TRPM3: variants seen among roughly 807,000 people sequenced by gnomAD.
The protein encoded by TRPM3 is long transient receptor potential channel 3.
A neutral mutation model predicts 181.2 loss-of-function variants in TRPM3; 77 were observed. The ratio of observed to expected loss-of-function variants is 0.42; its 90% CI spans 0.35 to 0.51. The LOEUF is 0.51. Ranked by LOEUF, TRPM3 falls within the 20% of genes least tolerant of loss-of-function variation. TRPM3 has a pLI of 0.01. For missense variants in TRPM3, 1,759 were observed against 2,196.7 expected, an observed-to-expected ratio of 0.80 and a Z score of 3.98; for synonymous variants, 745 against 796.4, an observed-to-expected ratio of 0.94 and a Z score of 1.09.
chr9:71,231,215 G>A (rs1189900104), intron 1 of TRPM3, among the ~76,000 whole-genome samples: 1 of 152,062 alleles, frequency 6.6e-6, no homozygotes, highest in Non-Finnish European at 1.5e-5. Context: ...TCTTGAGGTG[G>A]GGAGATTATG....
At chr9:71,233,426 T>G (rs2081187124) in intron 1 of TRPM3, among the ~76,000 whole-genome samples, 1 of 152,238 alleles carries the variant, frequency 6.6e-6, no homozygotes, top group Non-Finnish European at 1.5e-5. Flanking sequence ...ACAGTTATCT[T>G]TAATTGCTCA....
At chr9:70,602,183 GA>G (rs1222431194) in intron 20 of TRPM3, among the ~76,000 whole-genome samples, 3 of 150,912 alleles carry the variant, frequency 2.0e-5, no homozygotes, top group Non-Finnish European at 4.4e-5. Flanking sequence ...TCAGGATGGG[GA>G]GATGGTAGTC....
At chr9:71,194,524 T>C (rs1226177858) in intron 1 of TRPM3, among the ~76,000 whole-genome samples, 1 of 151,788 alleles carries the variant, frequency 6.6e-6, no homozygotes, top group Non-Finnish European at 1.5e-5. Context: ...AGCTTGGGCA[T>C]CGTAAAAAGA....
chr9:71,282,724 C>T (rs991316789), intron 1 of TRPM3, among the ~76,000 whole-genome samples: 18 of 152,212 alleles, frequency 1.2e-4, no homozygotes, highest in African/African-American at 4.1e-4. Flanking sequence ...AGGAATATTA[C>T]TGCCCTGCCC....
chr9:71,202,196 T>A (rs1187942389), intron 1 of TRPM3, among the ~76,000 whole-genome samples: 2 of 152,174 alleles, frequency 1.3e-5, no homozygotes, highest in East Asian at 3.9e-4. Flanking sequence ...GGAAGTTTTG[T>A]CTCAGAGGAG....
At position 71,357,849 on chromosome 9, in the gene TRPM3, G is replaced by C. The variant is rs571277880; in HGVS notation, c.183+88804C>G. 2.1e-4 allele frequency among the ~76,000 whole-genome samples: 32 copies of C among 151,986 alleles called. 1 individual carries two copies. Among genetic ancestry groups the C allele is most frequent in the African/African-American group, 7.5e-4 (31 of 41,442 alleles). On this transcript the variant is annotated intron_variant, in intron 1 of 24. Coordinates refer to the TRPM3 transcript ENST00000357533. ...GTTCCAAAGCTTTTCCTATGAATCT[G>C]TTATGAAGGAAAGTGATTCCAAAAG...
At chr9:70,840,559 A>G (rs2094571596) in intron 5 of TRPM3, among the ~76,000 whole-genome samples, 1 of 152,092 alleles carries the variant, frequency 6.6e-6, no homozygotes, top group African/African-American at 2.4e-5. Flanking sequence ...AGTAAGTCCC[A>G]TTGGAATGCA....
At chr9:71,215,088 A>C (rs1402189337) in intron 1 of TRPM3, among the ~76,000 whole-genome samples, 1 of 151,904 alleles carries the variant, frequency 6.6e-6, no homozygotes, top group Non-Finnish European at 1.5e-5. Flanking sequence ...GTAAGGTCCA[A>C]GAGGGCAGGG....
intron 1 of TRPM3, among the ~76,000 whole-genome samples, chr9:71,182,960 C>T (rs569243082): frequency 1.8e-3 from 273 of 152,024 alleles, no homozygotes; most frequent in African/African-American, 5.1e-3. Flanking sequence ...CCATGCCCAG[C>T]GTATTGAAAA....
intron 6 of TRPM3, among the ~76,000 whole-genome samples, chr9:70,807,139 CT>C (rs2090866571): frequency 6.6e-6 from 1 of 152,118 alleles, no homozygotes; most frequent in African/African-American, 2.4e-5. Flanking sequence ...TGCACTTCTA[CT>C]AAATGGAATG....
chr9:71,196,457 A>T (rs1475120238), intron 1 of TRPM3, among the ~76,000 whole-genome samples: 1 of 151,880 alleles, frequency 6.6e-6, no homozygotes, highest in Non-Finnish European at 1.5e-5. Context: ...GTCCATGTGC[A>T]TATTCAATAT....
chr9:71,257,481 G>T lies in TRPM3; in HGVS notation c.183+189172C>A, dbSNP rs866431313. Among the ~76,000 whole-genome samples the T allele has an allele frequency of 8.5e-5, 13 of 152,262 alleles. No homozygotes were observed. The Middle Eastern group carries it at 0.017, about 199-fold the overall frequency. On this transcript the variant is annotated intron_variant, in intron 1 of 24. Transcript: ENST00000357533. ...GGTACTATAAGAATCTTCATGCCAT[G>T]TACCCAATGACTGGTCAGTAAAAAC...
At chr9:70,953,357 G>A (rs1590039076) in intron 1 of TRPM3, among the ~76,000 whole-genome samples, 1 of 152,122 alleles carries the variant, frequency 6.6e-6, no homozygotes. Flanking sequence ...TCAGCCTTAG[G>A]GGAAGATTAC....
chr9:71,260,464 A>G (rs1051354911), intron 1 of TRPM3, among the ~76,000 whole-genome samples: 3 of 152,188 alleles, frequency 2.0e-5, no homozygotes, highest in Non-Finnish European at 4.4e-5. Flanking sequence ...TCTATCAATT[A>G]CTTTGGGCAC....
intron 5 of TRPM3, among the ~76,000 whole-genome samples, chr9:70,836,014 GC>G (rs2094296149): frequency 6.6e-6 from 1 of 152,136 alleles, no homozygotes; most frequent in East Asian, 1.9e-4. Context: ...TTAGAAGGGT[GC>G]TGACAGTGAG....
At chr9:71,370,408 AAC>A (rs1291405134) in intron 1 of TRPM3, among the ~76,000 whole-genome samples, 2 of 152,230 alleles carry the variant, frequency 1.3e-5, no homozygotes, top group Non-Finnish European at 2.9e-5. Context: ...TACTACAGTG[AAC>A]ACACAAATAA....
intron 1 of TRPM3, among the ~76,000 whole-genome samples, chr9:71,023,889 T>A (rs528019431): frequency 5.3e-5 from 8 of 152,098 alleles, no homozygotes; most frequent in Admixed American, 3.9e-4. Context: ...CAAAAGGTCC[T>A]TGTGGGGATG....
At chr9:71,230,317 GA>G (rs1422198072) in intron 1 of TRPM3, among the ~76,000 whole-genome samples, 2 of 151,902 alleles carry the variant, frequency 1.3e-5, no homozygotes, top group African/African-American at 4.8e-5. Context: ...CAGAGTCTGG[GA>G]AAAGTAGTGG....
chr9:70,859,961 G>A (rs1327983448), intron 3 of TRPM3, among the ~76,000 whole-genome samples: 1 of 152,160 alleles, frequency 6.6e-6, no homozygotes, highest in Non-Finnish European at 1.5e-5. Context: ...TCCTGCCAGT[G>A]CCTGTCACCA....
Sources: allele counts gnomAD v4.1 joint callset (sites outside exome capture counted in the v4.1 genomes callset), GRCh38; gene constraint gnomAD v4.1.1; transcripts MANE v1.5; gene names NCBI Gene and HGNC (gene_info 2026-07-23, HGNC 2026-07-21).